USP37: variants seen among roughly 807,000 people sequenced by gnomAD.
The protein encoded by USP37 is ubiquitin specific peptidase 37, also known as ubiquitin carboxyl-terminal hydrolase 37.
Under a neutral mutation model 124.0 loss-of-function variants are expected in USP37, and 27 were observed. That is an observed-to-expected ratio of 0.22 (90% CI 0.16 to 0.30). USP37 has a LOEUF of 0.30. USP37 is among the 10% of genes least tolerant of loss of function. The probability of loss-of-function intolerance (pLI) is 1.00; values close to 1 mark genes in which losing one functional copy is unlikely to be tolerated. For synonymous variants in USP37, 365 were observed against 388.0 expected (o/e 0.94, Z 0.70); for missense variants, 889 against 1,140.4 (o/e 0.78, Z 3.17).
In USP37 at chr2:218,546,980, G is replaced by C; in HGVS notation, c.541C>G (p.Arg181Gly). The change falls in exon 7 of 26, where the codon CGG (arginine) becomes GGG (glycine). Residue 181 changes from arginine (R) to glycine (G), a missense_variant. Coordinates refer to ENST00000258399, the MANE Select transcript of USP37 (RefSeq NM_020935.3). Reference protein sequence around the residue: ...IKTVAGSGIARTIPSLTSTST... With the variant: ...IKTVAGSGIAGTIPSLTSTST... ...GTAGATGTCAAAGAAGGAATCGTCC[G>C]AGCTATTCCACTTCCTGCTACAGTC... 6.2e-7 allele frequency: 1 copy of C among 1,613,312 alleles called. No homozygotes were observed. The highest frequency in any genetic ancestry group is 8.5e-7 in the Non-Finnish European group (1 of 1,179,818).
In USP37 at chr2:218,455,281, G is replaced by C. The variant is rs939935793; in HGVS notation, c.2853-264C>G. On this transcript the variant is annotated intron_variant, in intron 25 of 25. Coordinates refer to ENST00000258399, the MANE Select transcript of USP37 (RefSeq NM_020935.3). Reference sequence around the variant, plus strand: ...TCCATATAAATCAGATCTTCTAGCTGATAAAACTGGATGACCAAAACTATT... The same window carrying C: ...TCCATATAAATCAGATCTTCTAGCTCATAAAACTGGATGACCAAAACTATT... 3.9e-5 allele frequency among the ~76,000 whole-genome samples: 6 copies of C among 152,120 alleles called. No individual in the cohort carries two copies. In the South Asian group the frequency reaches 1.2e-3, roughly 32 times the overall value.
chr2:218,502,026 G>A (rs533758846), intron 11 of USP37, among the ~76,000 whole-genome samples: 1 of 152,090 alleles, frequency 6.6e-6, no homozygotes, highest in Non-Finnish European at 1.5e-5. Flanking sequence ...GACTCCAAAG[G>A]AACTATGCTT....
chr2:218,524,385 C>A (rs987049582), intron 10 of USP37, among the ~76,000 whole-genome samples: 1 of 152,110 alleles, frequency 6.6e-6, no homozygotes, highest in Admixed American at 6.6e-5. Flanking sequence ...TAGGTGTGAA[C>A]CACTGCTCCA....
intron 8 of USP37, among the ~76,000 whole-genome samples, chr2:218,540,337 T>G (rs1461401633): frequency 6.6e-6 from 1 of 152,104 alleles, no homozygotes; most frequent in Non-Finnish European, 1.5e-5. Context: ...CAGTGCACCA[T>G]TTAAAACCTA....
rs139610621 is a variant in USP37 at position 218,549,922 on chromosome 2, A to G, written c.329-13T>C. ...GACGGTTTCATGGCTGGTGACCAAA[A>G]ATATAATTTTTTTTAAAATCCCCAA... On this transcript the variant is annotated splice_polypyrimidine_tract_variant and intron_variant, in intron 5 of 25. Transcript: ENST00000258399. The G allele has an allele frequency of 1.8e-3, 2,823 of 1,575,252 alleles. 44 individuals carry two copies. The African/African-American group carries it at 0.035, about 19-fold the overall frequency.
chr2:218,558,301 T>C (rs961177678), intron 4 of USP37, among the ~76,000 whole-genome samples, 197 bp downstream of exon 4: 1 of 152,246 alleles, frequency 6.6e-6, no homozygotes, highest in Non-Finnish European at 1.5e-5. Flanking sequence ...GACTACTTCC[T>C]GCTTTTATTA....
chr2:218,512,905 T>C (rs1437290642), intron 10 of USP37, among the ~76,000 whole-genome samples: 1 of 152,204 alleles, frequency 6.6e-6, no homozygotes, highest in Admixed American at 6.5e-5. Flanking sequence ...CATACTCATA[T>C]AAATTTTATA....
intron 19 of USP37, among the ~76,000 whole-genome samples, chr2:218,475,335 A>G (rs898907486): frequency 6.6e-6 from 1 of 152,232 alleles, no homozygotes; most frequent in Non-Finnish European, 1.5e-5. Context: ...TATGTAAAGA[A>G]GGCTGGGCGA....
chr2:218,507,410 G>A lies in USP37; in HGVS notation c.1025+2569C>T, dbSNP rs1009805157. On this transcript the variant is annotated intron_variant, in intron 11 of 25. Transcript: ENST00000258399. Reference sequence around the variant, plus strand: ...TGACCTCAAGTTATCCGCCTGCCTCGGCCCCTCAAAGTGCTGGGATTACAG... The same window carrying A: ...TGACCTCAAGTTATCCGCCTGCCTCAGCCCCTCAAAGTGCTGGGATTACAG... 3.9e-5 allele frequency among the ~76,000 whole-genome samples: 6 copies of A among 151,948 alleles called. No homozygotes were observed. In the East Asian group the frequency reaches 1.2e-3, roughly 29 times the overall value.
At chr2:218,563,251 T>C (rs1452625736) in intron 1 of USP37, among the ~76,000 whole-genome samples, 3 of 149,258 alleles carry the variant, frequency 2.0e-5, no homozygotes, top group African/African-American at 4.9e-5. Context: ...TTAATGAAAA[T>C]ATTTAAAATA....
intron 13 of USP37, among the ~76,000 whole-genome samples, chr2:218,497,350 C>T (rs954920356): frequency 1.3e-5 from 2 of 151,402 alleles, no homozygotes; most frequent in African/African-American, 4.8e-5. Flanking sequence ...GGATTATAGG[C>T]GTGAGCCACC....
intron 11 of USP37, among the ~76,000 whole-genome samples, chr2:218,505,496 G>A (rs1410161738): frequency 6.6e-6 from 1 of 152,172 alleles, no homozygotes; most frequent in Non-Finnish European, 1.5e-5. Flanking sequence ...TGTGTGTATA[G>A]TATTCCAAGT....
intron 11 of USP37, among the ~76,000 whole-genome samples, chr2:218,505,183 T>A (rs1689612880): frequency 1.3e-5 from 2 of 151,868 alleles, no homozygotes; most frequent in Non-Finnish European, 2.9e-5. Context: ...CTTAGCTAAA[T>A]TTTTTTTGTA....
At chr2:218,455,437 A>C (rs1689643115) in intron 25 of USP37, 143 bp downstream of exon 25, 8 of 1,011,146 alleles carry the variant, frequency 7.9e-6, no homozygotes, top group Non-Finnish European at 1.1e-5. Flanking sequence ...ATCAAGAGAT[A>C]GACCCTAACC....
At chr2:218,559,224 T>C (rs1693186201) in intron 3 of USP37, among the ~76,000 whole-genome samples, 1 of 151,988 alleles carries the variant, frequency 6.6e-6, no homozygotes. Flanking sequence ...AGTGGGAGGA[T>C]CACTTGAGCA....
chr2:218,463,826 C>T (rs1021068346), intron 21 of USP37, among the ~76,000 whole-genome samples: 1 of 147,308 alleles, frequency 6.8e-6, no homozygotes, highest in South Asian at 2.2e-4. Context: ...TGAGCCACTG[C>T]GCCCGGCCCA....
chr2:218,549,464 C>CT lies in USP37; in HGVS notation c.429+344dup, dbSNP rs35795642. 1.5e-3 allele frequency among the ~76,000 whole-genome samples: 183 copies of CT among 118,482 alleles called. 2 individuals are homozygous for CT. Among genetic ancestry groups the CT allele is most frequent in the Non-Finnish European group, 2.0e-3 (117 of 57,150 alleles). The allele number at this position is 118,482 out of a possible 152,430, so 77.7% of individuals were successfully genotyped here. On this transcript the variant is annotated intron_variant, in intron 6 of 25. Coordinates refer to ENST00000258399, the MANE Select transcript of USP37 (RefSeq NM_020935.3). ...AATACCCTTGATAGTCTATGACTAT[C>CT]TTTTTTTTTTTTTTTTTTGAGATGG... is the stretch of plus-strand genomic sequence containing the variant.
intron 10 of USP37, among the ~76,000 whole-genome samples, chr2:218,519,853 T>G (rs1032096053): frequency 3.3e-5 from 5 of 151,072 alleles, no homozygotes; most frequent in African/African-American, 1.2e-4. Flanking sequence ...TCCACCCACC[T>G]GAGGCTCCCA....
chr2:218,528,775 A>G (rs141134698), intron 10 of USP37: 10 of 217,932 alleles, frequency 4.6e-5, no homozygotes, highest in African/African-American at 1.3e-4. Context: ...CTTAGCAGGT[A>G]TCTTATGTAT....
Sources: gnomAD v4.1 joint callset for allele counts (sites outside exome capture counted in the v4.1 genomes callset) on GRCh38, gnomAD v4.1.1 for gene constraint, MANE v1.5 for transcripts, NCBI Gene and HGNC (gene_info 2026-07-23, HGNC 2026-07-21) for gene names.